The following PTPRD variants were observed in gnomAD, a reference collection of about 807,000 sequenced individuals.
The protein encoded by PTPRD is receptor-type tyrosine-protein phosphatase delta.
In PTPRD, 34 loss-of-function variants were observed where a neutral mutation model predicts 214.5. The observed-to-expected ratio is 0.16, with a 90% CI of 0.12 to 0.21. The LOEUF is 0.21. Among genes scored for constraint, PTPRD ranks in the 10% least tolerant of loss-of-function variants. The pLI is 1.00. For missense variants in PTPRD, 2,545 were observed against 2,398.7 expected, an observed-to-expected ratio of 1.06 and a Z score of -1.27; for synonymous variants, 1,128 against 845.7, an observed-to-expected ratio of 1.33 and a Z score of -5.79.
chr9:8,892,978 C>T (rs1459412234), intron 11 of PTPRD, among the ~76,000 whole-genome samples: 1 of 151,914 alleles, frequency 6.6e-6, no homozygotes, highest in Non-Finnish European at 1.5e-5. Flanking sequence ...TCTTGACGTC[C>T]ATGTTGGTGG....
At chr9:10,156,128 G>C (rs968121027) in intron 3 of PTPRD, among the ~76,000 whole-genome samples, 2 of 142,510 alleles carry the variant, frequency 1.4e-5, no homozygotes, top group Non-Finnish European at 3.1e-5. Flanking sequence ...GTGTGTGCCT[G>C]TCTCCTTTGG....
At chr9:10,450,529 G>C (rs780401770) in intron 2 of PTPRD, among the ~76,000 whole-genome samples, 1 of 152,004 alleles carries the variant, frequency 6.6e-6, no homozygotes, top group Admixed American at 6.5e-5. Context: ...TCCCTAATCT[G>C]TAGTTTATAT....
rs2097813775 is a variant in PTPRD, at chr9:8,517,862, A to C, written c.1529T>G (p.Ile510Ser). Reference sequence around the variant, plus strand: ...ACCAAACTTACCTCCTGTCTGAGTGATGACTTGTATGTCACTTGAAAGGGG... The same window carrying C: ...ACCAAACTTACCTCCTGTCTGAGTGCTGACTTGTATGTCACTTGAAAGGGG... Reference protein sequence around the residue: ...DGPLSSDIQVITQTGVPGQPL... With the variant: ...DGPLSSDIQVSTQTGVPGQPL... Residue 510 changes from isoleucine to serine, a missense_variant, in exon 21 of 46, where the codon ATC (isoleucine) becomes AGC (serine). Transcript: ENST00000381196. 1 of 1,613,012 alleles carries C rather than the reference A, an allele frequency of 6.2e-7. No individual in the cohort carries two copies. Among genetic ancestry groups the C allele is most frequent in the African/African-American group, 1.3e-5 (1 of 74,874 alleles).
chr9:10,283,828 C>G (rs1359512716), intron 3 of PTPRD, among the ~76,000 whole-genome samples: 1 of 152,074 alleles, frequency 6.6e-6, no homozygotes, highest in African/African-American at 2.4e-5. Flanking sequence ...TTTATGTGTG[C>G]AGATCTTTTA....
chr9:9,909,365 T>C (rs2078527523), intron 5 of PTPRD, among the ~76,000 whole-genome samples: 1 of 150,596 alleles, frequency 6.6e-6, no homozygotes, highest in Non-Finnish European at 1.5e-5. Flanking sequence ...ACTAACAAGA[T>C]TGCTGGGGGC....
At chr9:8,481,372 C>T (rs868674871) in intron 30 of PTPRD, among the ~76,000 whole-genome samples, 1 of 151,694 alleles carries the variant, frequency 6.6e-6, no homozygotes, top group African/African-American at 2.4e-5. Flanking sequence ...GAAAGTGTAC[C>T]CAGGAAAGGT....
At chr9:10,389,821 G>T (rs776491005) in intron 2 of PTPRD, among the ~76,000 whole-genome samples, 1 of 151,628 alleles carries the variant, frequency 6.6e-6, no homozygotes, top group African/African-American at 2.4e-5. Context: ...TAAATTTTTA[G>T]CAGTCATCTA....
At chr9:10,248,511 C>A (rs13288515) in intron 3 of PTPRD, among the ~76,000 whole-genome samples, 256 of 11,472 alleles carry the variant, frequency 0.022, 7 homozygotes, top group Middle Eastern at 0.071. Context: ...GTACATATAG[C>A]AAAAAAAAAA....
intron 11 of PTPRD, among the ~76,000 whole-genome samples, chr9:8,740,681 G>C (rs2091691517): frequency 6.6e-6 from 1 of 152,054 alleles, no homozygotes; most frequent in African/African-American, 2.4e-5. Flanking sequence ...CACATAATCA[G>C]CACATCAAAT....
intron 9 of PTPRD, among the ~76,000 whole-genome samples, chr9:9,234,648 C>A (rs1000631442): frequency 2.6e-5 from 4 of 152,186 alleles, no homozygotes; most frequent in African/African-American, 9.6e-5. Context: ...TAAATCAACT[C>A]TCTCAAGTTC....
chr9:10,455,079 T>C (rs1337791210), intron 2 of PTPRD, among the ~76,000 whole-genome samples: 1 of 151,758 alleles, frequency 6.6e-6, no homozygotes, highest in Non-Finnish European at 1.5e-5. Context: ...TGTTATCACC[T>C]TGTTATTGGT....
intron 37 of PTPRD, among the ~76,000 whole-genome samples, chr9:8,377,176 G>T (rs1328507489): frequency 6.6e-6 from 1 of 151,998 alleles, no homozygotes; most frequent in Non-Finnish European, 1.5e-5. Context: ...AAGAAAAGTA[G>T]AAATAATTGG....
intron 3 of PTPRD, among the ~76,000 whole-genome samples, chr9:10,256,183 T>C (rs2093258808): frequency 6.6e-6 from 1 of 152,080 alleles, no homozygotes; most frequent in Admixed American, 6.6e-5. Flanking sequence ...TGTGGAAAAA[T>C]TGTATTCCAC....
chr9:9,809,592 C>T (rs1420986872), intron 5 of PTPRD, among the ~76,000 whole-genome samples: 3 of 152,078 alleles, frequency 2.0e-5, no homozygotes, highest in Non-Finnish European at 4.4e-5. Flanking sequence ...ATGATTTATG[C>T]AGAGTAAATA....
intron 10 of PTPRD, among the ~76,000 whole-genome samples, chr9:9,166,436 G>C (rs1351735473): frequency 6.6e-6 from 1 of 151,950 alleles, no homozygotes. Context: ...TTCTGTTAAG[G>C]TCATCTCATT....
At chr9:10,079,395 GA>G (rs2098192987) in intron 3 of PTPRD, among the ~76,000 whole-genome samples, 1 of 152,114 alleles carries the variant, frequency 6.6e-6, no homozygotes, top group African/African-American at 2.4e-5. Flanking sequence ...TGGCAGGAAT[GA>G]AATCCCGAGG....
intron 7 of PTPRD, among the ~76,000 whole-genome samples, chr9:9,587,945 AG>A (rs2092274702): frequency 6.6e-6 from 1 of 152,002 alleles, no homozygotes; most frequent in Admixed American, 6.6e-5. Flanking sequence ...AGCCGACTAA[AG>A]TGACTATATC....
chr9:10,448,739 G>A (rs2098816414), intron 2 of PTPRD, among the ~76,000 whole-genome samples: 1 of 151,922 alleles, frequency 6.6e-6, no homozygotes, highest in South Asian at 2.1e-4. Flanking sequence ...TGGCAAAGTG[G>A]AAAGAGTCTT....
At chr9:9,207,919 C>T (rs2099945893) in intron 9 of PTPRD, among the ~76,000 whole-genome samples, 3 of 149,688 alleles carry the variant, frequency 2.0e-5, no homozygotes, top group South Asian at 2.1e-4. Flanking sequence ...GAGCAATCTT[C>T]GTAGTATATC....
Sources: allele counts gnomAD v4.1 joint callset (sites outside exome capture counted in the v4.1 genomes callset), GRCh38; gene constraint gnomAD v4.1.1; transcripts MANE v1.5; gene names NCBI Gene and HGNC (gene_info 2026-07-23, HGNC 2026-07-21).